Variants in ITM2B observed in about 807,000 individuals in gnomAD.
The protein encoded by ITM2B is ABri/ADan amyloid peptide.
In ITM2B, 11 loss-of-function variants were observed where a neutral mutation model predicts 27.8. That is an observed-to-expected ratio of 0.40 (90% CI 0.25 to 0.66). The LOEUF (loss-of-function observed/expected upper bound fraction) is 0.66, where lower values mean the gene tolerates loss of function less well. Ranked by LOEUF, ITM2B falls within the 30% of genes least tolerant of loss-of-function variation. ITM2B has a pLI of 0.43. For missense variants in ITM2B, 296 were observed against 328.9 expected (o/e 0.90, Z 0.77); for synonymous variants, 114 against 114.3 (o/e 1.00, Z 0.02).
chr13:48,238,507 T>G (rs184197056), intron 1 of ITM2B, among the ~76,000 whole-genome samples: 1 of 152,292 alleles, frequency 6.6e-6, no homozygotes, highest in East Asian at 1.9e-4. Context: ...TAGAGATATA[T>G]TCTGATTTTT....
intron 1 of ITM2B, among the ~76,000 whole-genome samples, chr13:48,241,360 C>T (rs547618729): frequency 7.2e-5 from 11 of 152,104 alleles, no homozygotes; most frequent in Non-Finnish European, 1.5e-4. Flanking sequence ...TACAGGTGCC[C>T]ACCACCACTC....
chr13:48,238,355 T>TAATA (rs1951680606), intron 1 of ITM2B, among the ~76,000 whole-genome samples: 1 of 152,124 alleles, frequency 6.6e-6, no homozygotes, highest in Admixed American at 6.5e-5. Flanking sequence ...GCTCTTTTAT[T>TAATA]AGAGGAAAAA....
chr13:48,259,045 T>G, intron 5 of ITM2B, 98 bp downstream of exon 5: 1 of 786,528 alleles, frequency 1.3e-6, no homozygotes, highest in Non-Finnish European at 2.1e-6. Context: ...ATACCTGCCA[T>G]GAGTGAGGTA....
Position 48,261,356 on chromosome 13 carries a change from C to G in ITM2B, c.*132C>G. ...AAACAGGGCTTTACTATCTTTTCATCTCATTAATTCAATTAAAACCATTAC... is the reference window on the plus strand; with the variant it reads ...AAACAGGGCTTTACTATCTTTTCATGTCATTAATTCAATTAAAACCATTAC... On this transcript the variant is annotated 3_prime_UTR_variant, in exon 6 of 6. Coordinates refer to ENST00000647800, the MANE Select transcript of ITM2B (RefSeq NM_021999.5). 1 of 687,332 alleles carries G rather than the reference C, an allele frequency of 1.5e-6. No homozygotes were observed. The highest frequency in any genetic ancestry group is 2.6e-6 in the Non-Finnish European group (1 of 391,848). The allele number at this position is 687,332 out of a possible 1,614,324, so 42.6% of individuals were successfully genotyped here. A position where few individuals can be genotyped will look rare whatever the true frequency, so the allele number is the denominator to read the frequency against.
Position 48,233,351 on chromosome 13 carries a change from A to C in ITM2B, c.-10A>C, listed in dbSNP as rs552198156. The C allele has an allele frequency of 1.0e-5, 16 of 1,536,406 alleles. No homozygotes were observed. In the South Asian group the frequency reaches 1.7e-4, roughly 16 times the overall value. On this transcript the variant is annotated 5_prime_UTR_variant, in exon 1 of 6. Coordinates refer to ENST00000647800, the MANE Select transcript of ITM2B (RefSeq NM_021999.5). ...CGCCGCCGCCCTTCGAGGGCGCCCCAGGCCGCGCCATGGTGAAGGTGACGT... is the reference window on the plus strand; with the variant it reads ...CGCCGCCGCCCTTCGAGGGCGCCCCCGGCCGCGCCATGGTGAAGGTGACGT...
Position 48,261,215 on chromosome 13 carries a change from T to A in ITM2B, c.792T>A (p.Ile264=). Residue 264 remains isoleucine (I), a synonymous_variant, in exon 6 of 6, where the codon ATT becomes ATA. Coordinates refer to ENST00000647800, the MANE Select transcript of ITM2B (RefSeq NM_021999.5). ...ACAAATTTGCCGTGGAAACTTTAAT[T>A]TGTTCTTGAACAGTCAAGAAAAACA... ...FENKFAVETL[I]CS 6.2e-7 allele frequency: 1 copy of A among 1,608,662 alleles called. No individual in the cohort carries two copies. The highest frequency in any genetic ancestry group is 1.1e-5 in the South Asian group (1 of 90,842).
intron 1 of ITM2B, among the ~76,000 whole-genome samples, chr13:48,243,701 C>A (rs2137982973): frequency 6.6e-6 from 1 of 152,024 alleles, no homozygotes; most frequent in South Asian, 2.1e-4. Flanking sequence ...TCTGTAGTCC[C>A]AGCTACTTGG....
intron 1 of ITM2B, among the ~76,000 whole-genome samples, chr13:48,247,645 C>T (rs550342276): frequency 2.0e-5 from 3 of 152,166 alleles, no homozygotes; most frequent in Non-Finnish European, 4.4e-5. Context: ...TCTTAGGGAA[C>T]TGATTGAGGT....
In ITM2B at chr13:48,267,354, CTTTA is replaced by C. The variant is rs999295350; in HGVS notation, c.*6135_*6138del. On this transcript the variant is annotated 3_prime_UTR_variant, in exon 6 of 6. Transcript: ENST00000647800. ...TTAATCAACTCCAGGGAACATTACA[CTTTA>C]TTTAACCCCTAATTATCTGATAACC... The C allele has an allele frequency of 7.9e-5, 12 of 152,300 alleles. No homozygotes were observed. Among genetic ancestry groups the C allele is most frequent in the Admixed American group, 5.9e-4 (9 of 15,300 alleles). 9.4% of individuals were successfully genotyped at this position (152,300 alleles called of 1,614,324 possible).
rs767009304 is a variant in ITM2B, at chr13:48,264,863, G to GA, written c.*3645dup. Reference sequence around the variant, plus strand: ...GATCATTTTAGGCTTTTATCTTACTGAAAAAATTAAGCACAATTTAAGATT... The same window carrying GA: ...GATCATTTTAGGCTTTTATCTTACTGAAAAAAATTAAGCACAATTTAAGATT... On this transcript the variant is annotated 3_prime_UTR_variant, in exon 6 of 6. Coordinates refer to ENST00000647800, the MANE Select transcript of ITM2B (RefSeq NM_021999.5). 3.3e-5 allele frequency: 5 copies of GA among 152,052 alleles called. No homozygotes were observed. The highest frequency in any genetic ancestry group is 5.9e-5 in the Non-Finnish European group (4 of 67,984). 9.4% of individuals were successfully genotyped at this position (152,052 alleles called of 1,614,324 possible).
At chr13:48,237,582 T>C (rs879886410) in intron 1 of ITM2B, among the ~76,000 whole-genome samples, 2 of 152,258 alleles carry the variant, frequency 1.3e-5, no homozygotes, top group Admixed American at 1.3e-4. Flanking sequence ...TGACTGGAAG[T>C]ATTTTTTAAG....
At chr13:48,249,723 A>G (rs1467416725) in intron 1 of ITM2B, among the ~76,000 whole-genome samples, 3 of 152,182 alleles carry the variant, frequency 2.0e-5, no homozygotes, top group Non-Finnish European at 4.4e-5. Context: ...AAGTTTCACC[A>G]TTAAGTATGA....
chr13:48,236,540 C>T (rs1476536758), intron 1 of ITM2B, among the ~76,000 whole-genome samples: 1 of 152,210 alleles, frequency 6.6e-6, no homozygotes, highest in African/African-American at 2.4e-5. Context: ...ATTTGGCAGA[C>T]ATTAAATTGT....
intron 1 of ITM2B, among the ~76,000 whole-genome samples, chr13:48,241,401 G>A (rs1389738526): frequency 3.3e-5 from 5 of 152,154 alleles, no homozygotes; most frequent in South Asian, 2.1e-4. Flanking sequence ...TAGTAAAGAC[G>A]GGGTTTCACC....
intron 1 of ITM2B, among the ~76,000 whole-genome samples, chr13:48,245,583 A>T (rs1008617955): frequency 6.6e-6 from 1 of 151,712 alleles, no homozygotes; most frequent in Non-Finnish European, 1.5e-5. Context: ...TATTTAACCT[A>T]AAACTGTGCT....
chr13:48,268,328 G>A lies in ITM2B; in HGVS notation c.*7104G>A, dbSNP rs1951864879. On this transcript the variant is annotated 3_prime_UTR_variant, in exon 6 of 6. Coordinates refer to ENST00000647800, the MANE Select transcript of ITM2B (RefSeq NM_021999.5). ...TTTATTTTTTTTTTTTTGAGACAGA[G>A]TCTGGCTCTGTCAACTCAGGCTGGA... The A allele has an allele frequency of 6.7e-6, 1 of 150,306 alleles. No homozygotes were observed. The highest frequency in any genetic ancestry group is 1.5e-5 in the Non-Finnish European group (1 of 67,692). 9.3% of individuals were successfully genotyped at this position (150,306 alleles called of 1,614,324 possible). A position where few individuals can be genotyped will look rare whatever the true frequency, so the allele number is the denominator to read the frequency against.
intron 1 of ITM2B, among the ~76,000 whole-genome samples, chr13:48,239,492 C>T (rs979743007): frequency 2.0e-5 from 3 of 152,128 alleles, no homozygotes; most frequent in Admixed American, 6.5e-5. Flanking sequence ...ATTAGCCAGG[C>T]GTGGTGGCAT....
chr13:48,245,720 T>G, intron 1 of ITM2B, among the ~76,000 whole-genome samples: 1 of 152,200 alleles, frequency 6.6e-6, no homozygotes, highest in South Asian at 2.1e-4. Flanking sequence ...ATTGCAGGAT[T>G]TTTTAACAAA....
intron 2 of ITM2B, among the ~76,000 whole-genome samples, chr13:48,255,230 AGTGT>A (rs57255200): frequency 0.043 from 6,436 of 149,652 alleles, 279 homozygotes; most frequent in African/African-American, 0.12. Context: ...TAGTGTGTGT[AGTGT>A]GTGTGTGTGT....
Sources: gnomAD v4.1 joint callset for allele counts (sites outside exome capture counted in the v4.1 genomes callset) on GRCh38, gnomAD v4.1.1 for gene constraint, MANE v1.5 for transcripts, NCBI Gene and HGNC (gene_info 2026-07-23, HGNC 2026-07-21) for gene names.